The following AFF4 variants were observed in gnomAD, a reference collection of about 807,000 sequenced individuals.
AFF4 encodes AF4/FMR2 family member 4.
In AFF4, 13 loss-of-function variants were observed where a neutral mutation model predicts 124.8. The ratio of observed to expected loss-of-function variants is 0.10; its 90% CI spans 0.07 to 0.17. The LOEUF (loss-of-function observed/expected upper bound fraction) is 0.17, where lower values mean the gene tolerates loss of function less well. Ranked by LOEUF, AFF4 falls within the 10% of genes least tolerant of loss-of-function variation. AFF4 has a pLI of 1.00. For synonymous variants in AFF4, 477 were observed against 496.1 expected (o/e 0.96, Z 0.51); for missense variants, 1,092 against 1,403.8 (o/e 0.78, Z 3.55).
At chr5:132,909,123 C>CT (rs34141962) in intron 5 of AFF4, among the ~76,000 whole-genome samples, 1,276 of 112,796 alleles carry the variant, frequency 0.011, 26 homozygotes, top group African/African-American at 0.037. Flanking sequence ...AAAACATCAT[C>CT]TTTTTTTTTT....
At chr5:132,959,462 G>T (rs1368798599) in intron 1 of AFF4, among the ~76,000 whole-genome samples, 10 of 150,174 alleles carry the variant, frequency 6.7e-5, no homozygotes, top group Admixed American at 6.6e-4. Context: ...GATAAAGCAG[G>T]TAGCTAAGAT....
Position 132,883,330 on chromosome 5 carries a change from A to T in AFF4, c.3364+10T>A. Reference sequence around the variant, plus strand: ...TCCATCCCTTGAAGTTTATCCAGAAACCTACCTACCTTTTTGCTCTTTGGA... The same window carrying T: ...TCCATCCCTTGAAGTTTATCCAGAATCCTACCTACCTTTTTGCTCTTTGGA... On this transcript the variant is annotated intron_variant, in intron 20 of 20. Transcript: ENST00000265343. The T allele has an allele frequency of 6.2e-7, 1 of 1,612,988 alleles. No homozygotes were observed. The highest frequency in any genetic ancestry group is 1.7e-5 in the Admixed American group (1 of 60,000).
intron 1 of AFF4, among the ~76,000 whole-genome samples, chr5:132,962,234 A>G (rs557695710): frequency 2.0e-5 from 3 of 152,366 alleles, no homozygotes; most frequent in African/African-American, 4.8e-5. Context: ...TGCGCTTTTC[A>G]TATCTGAGCC....
chr5:132,889,849 G>A (rs1760210348), intron 13 of AFF4, among the ~76,000 whole-genome samples: 1 of 151,938 alleles, frequency 6.6e-6, no homozygotes, highest in South Asian at 2.1e-4. Flanking sequence ...TGCCCAGGTT[G>A]ATCTTAAACT....
chr5:132,911,575 G>C lies in AFF4; in HGVS notation c.1051-7171C>G, dbSNP rs188606798. Among the ~76,000 whole-genome samples the C allele has an allele frequency of 3.4e-3, 516 of 150,700 alleles. 2 individuals are homozygous for C. The highest frequency in any genetic ancestry group is 6.9e-3 in the Admixed American group (104 of 15,148). On this transcript the variant is annotated intron_variant, in intron 5 of 20. Coordinates refer to ENST00000265343, the MANE Select transcript of AFF4 (RefSeq NM_014423.4). ...TCCCACAAAAAAAAAGAAAAAAAAA[G>C]AAAGAACAGAACATCAGTGAACTCT...
Position 132,881,199 on chromosome 5 carries a change from A to C in AFF4, c.3365-13T>G, listed in dbSNP as rs769676168. 1 of 1,612,916 alleles carries C rather than the reference A, an allele frequency of 6.2e-7. No homozygotes were observed. The highest frequency in any genetic ancestry group is 8.5e-7 in the Non-Finnish European group (1 of 1,179,392). On this transcript the variant is annotated splice_polypyrimidine_tract_variant and intron_variant, in intron 20 of 20. Transcript: ENST00000265343. The stretch of plus-strand genomic sequence containing the variant: ...TCAGCAAAGAATTCTAGAAAACCAA[A>C]AACATTCATTAAATGATATATACTC...
At chr5:132,925,178 A>AAAATAAAT (rs59847844) in intron 5 of AFF4, among the ~76,000 whole-genome samples, 182 of 151,000 alleles carry the variant, frequency 1.2e-3, no homozygotes, top group Middle Eastern at 6.8e-3. Flanking sequence ...CCATCTCAGA[A>AAAATAAAT]AAATAAATAA....
intron 1 of AFF4, chr5:132,937,868 A>ATTGAAAAAGG (rs1380095189): frequency 6.6e-6 from 1 of 152,232 alleles, no homozygotes; most frequent in Non-Finnish European, 1.5e-5. Context: ...CTAAACTTGT[A>ATTGAAAAAGG]TTGAAAAAGG....
intron 1 of AFF4, among the ~76,000 whole-genome samples, chr5:132,944,403 T>C (rs764176439): frequency 2.1e-4 from 32 of 151,826 alleles, no homozygotes; most frequent in African/African-American, 7.7e-4. Flanking sequence ...TCCCAGCACT[T>C]TGGAAGCCAT....
intron 1 of AFF4, among the ~76,000 whole-genome samples, chr5:132,957,284 T>A (rs1382870613): frequency 6.6e-6 from 1 of 150,562 alleles, no homozygotes; most frequent in African/African-American, 2.4e-5. Context: ...AAGGCTGCAG[T>A]GAGCCGTGAC....
chr5:132,946,994 T>C (rs534989859), intron 1 of AFF4, among the ~76,000 whole-genome samples: 3 of 151,902 alleles, frequency 2.0e-5, no homozygotes, highest in Non-Finnish European at 4.4e-5. Flanking sequence ...GAAGCAGAGG[T>C]TGCAGTGAGC....
intron 3 of AFF4, 138 bp from the exon 4 acceptor site, chr5:132,932,360 A>G: frequency 1.9e-6 from 1 of 529,198 alleles, no homozygotes; most frequent in Non-Finnish European, 3.1e-6. Flanking sequence ...CTTTGGATTA[A>G]TTTCCTTAAA....
At chr5:132,962,070 G>A (rs1441453771) in intron 1 of AFF4, among the ~76,000 whole-genome samples, 1 of 152,186 alleles carries the variant, frequency 6.6e-6, no homozygotes, top group South Asian at 2.1e-4. Flanking sequence ...TATGACCAAA[G>A]ATGATTCTAG....
chr5:132,879,270 G>A lies in AFF4; in HGVS notation c.*1789C>T, dbSNP rs1461058256. 1 of 218,686 alleles carries A rather than the reference G, an allele frequency of 4.6e-6. No individual in the cohort carries two copies. Among genetic ancestry groups the A allele is most frequent in the Non-Finnish European group, 9.2e-6 (1 of 108,722 alleles). 13.5% of individuals were successfully genotyped at this position (218,686 alleles called of 1,614,324 possible). On this transcript the variant is annotated 3_prime_UTR_variant, in exon 21 of 21. Coordinates refer to ENST00000265343, the MANE Select transcript of AFF4 (RefSeq NM_014423.4). Reference sequence around the variant, plus strand: ...AGTGTAAAAAAGTCTCAAACACAAAGGATTCACTGCACTACTGGACTTGAA... The same window carrying A: ...AGTGTAAAAAAGTCTCAAACACAAAAGATTCACTGCACTACTGGACTTGAA...
chr5:132,945,768 A>T (rs991497202), intron 1 of AFF4, among the ~76,000 whole-genome samples: 2 of 152,004 alleles, frequency 1.3e-5, no homozygotes, highest in Admixed American at 1.3e-4. Flanking sequence ...AAATAAAAAT[A>T]AAAATAAACA....
chr5:132,922,021 G>C (rs1382274813), intron 5 of AFF4, among the ~76,000 whole-genome samples: 2 of 152,062 alleles, frequency 1.3e-5, no homozygotes, highest in Non-Finnish European at 2.9e-5. Context: ...CTGGACTCAA[G>C]TGATCCTCCC....
chr5:132,919,601 G>A (rs1328067660), intron 5 of AFF4, among the ~76,000 whole-genome samples: 1 of 152,196 alleles, frequency 6.6e-6, no homozygotes, highest in African/African-American at 2.4e-5. Flanking sequence ...TATAACTGTA[G>A]CACTTTGGGA....
In AFF4 at chr5:132,934,714, A is replaced by C; in HGVS notation, c.351T>G (p.Thr117=). Residue 117 remains threonine (T), a synonymous_variant, in exon 3 of 21, where the codon ACT becomes ACG. Transcript: ENST00000265343. ...KWTPVGPAPS[T]SQSQKRSSGL... ...CTGAGGACCGTTTCTGAGACTGAGA[A>C]GTGCTGGGTGCGGGTCCTACTGGAG... 1 of 1,614,080 alleles carries C rather than the reference A, an allele frequency of 6.2e-7. No homozygotes were observed. The highest frequency in any genetic ancestry group is 8.5e-7 in the Non-Finnish European group (1 of 1,180,008).
chr5:132,919,643 A>G (rs1760993522), intron 5 of AFF4, among the ~76,000 whole-genome samples: 2 of 152,174 alleles, frequency 1.3e-5, no homozygotes, highest in African/African-American at 4.8e-5. Flanking sequence ...TAAGCTTAGG[A>G]GTTCGAGACC....
Sources: allele counts gnomAD v4.1 joint callset (sites outside exome capture counted in the v4.1 genomes callset), GRCh38; gene constraint gnomAD v4.1.1; transcripts MANE v1.5; gene names NCBI Gene and HGNC (gene_info 2026-07-23, HGNC 2026-07-21).